The following XXYLT1 variants were observed in gnomAD, a reference collection of about 807,000 sequenced individuals.
XXYLT1 encodes UDP-xylose:alpha-xyloside alpha-1,3-xylosyltransferase.
A neutral mutation model predicts 28.9 loss-of-function variants in XXYLT1; 20 were observed. That is an observed-to-expected ratio of 0.69 (90% CI 0.49 to 1.00). The LOEUF is 1.00. XXYLT1 is among the 50% of genes least tolerant of loss of function. The probability of loss-of-function intolerance (pLI) is 0.00; values close to 1 mark genes in which losing one functional copy is unlikely to be tolerated. For missense variants in XXYLT1, 542 were observed against 560.1 expected (o/e 0.97, Z 0.33); for synonymous variants, 257 against 253.8 (o/e 1.01, Z -0.12).
chr3:195,228,958 G>A (rs562807482), intron 1 of XXYLT1, among the ~76,000 whole-genome samples: 74 of 151,650 alleles, frequency 4.9e-4, no homozygotes, highest in African/African-American at 1.5e-3. Flanking sequence ...GATTACAGGC[G>A]CCCACCACCA....
chr3:195,134,874 TGC>T (rs1553808211), intron 3 of XXYLT1, among the ~76,000 whole-genome samples: 8 of 128,922 alleles, frequency 6.2e-5, no homozygotes, highest in Non-Finnish European at 1.2e-4. Context: ...TGTGTGCGTG[TGC>T]GCGCGTGCGC....
chr3:195,269,043 C>G (rs1725934505), intron 1 of XXYLT1, among the ~76,000 whole-genome samples: 1 of 152,174 alleles, frequency 6.6e-6, no homozygotes, highest in Admixed American at 6.5e-5. Flanking sequence ...AGAAGGAGCA[C>G]CCCAACAGTG....
chr3:195,148,750 T>A (rs1431908468), intron 3 of XXYLT1, among the ~76,000 whole-genome samples: 1 of 152,228 alleles, frequency 6.6e-6, no homozygotes, highest in Non-Finnish European at 1.5e-5. Context: ...TTTCTTCCCT[T>A]GTACCAACTG....
intron 1 of XXYLT1, among the ~76,000 whole-genome samples, chr3:195,228,534 G>A (rs11918561): frequency 0.016 from 2,026 of 130,116 alleles, 21 homozygotes; most frequent in Non-Finnish European, 0.021. Context: ...TCTGTCAACC[G>A]AGGCTGGAGT....
In XXYLT1 at chr3:195,124,907, G is replaced by A. The variant is rs746454982; in HGVS notation, c.785+31542C>T. Among the ~76,000 whole-genome samples the A allele has an allele frequency of 6.6e-5, 10 of 152,290 alleles. No homozygotes were observed. The highest frequency in any genetic ancestry group is 1.4e-4 in the African/African-American group (6 of 41,560). On this transcript the variant is annotated intron_variant, in intron 3 of 3. Coordinates refer to ENST00000310380, the MANE Select transcript of XXYLT1 (RefSeq NM_152531.5). This position sits in a 1 kb window ranked among gnomAD's most constrained non-coding sequence, Gnocchi z 4.1. Reference sequence around the variant, plus strand: ...ACATCTGTATTTTCTATCAGGCTGCGGGTGCACAAGGCTGTCCCGGGTTAT... The same window carrying A: ...ACATCTGTATTTTCTATCAGGCTGCAGGTGCACAAGGCTGTCCCGGGTTAT...
chr3:195,080,230 G>C (rs1041135033), intron 3 of XXYLT1, among the ~76,000 whole-genome samples: 2 of 152,226 alleles, frequency 1.3e-5, no homozygotes, highest in African/African-American at 4.8e-5. Context: ...GTGTGACAAA[G>C]ACTAGGAAGG....
At chr3:195,157,198 G>A (rs764618963) in intron 2 of XXYLT1, among the ~76,000 whole-genome samples, 15 of 137,750 alleles carry the variant, frequency 1.1e-4, no homozygotes, top group Admixed American at 2.4e-4. Flanking sequence ...AGCTGAGATC[G>A]CGCCACTGCA....
intron 2 of XXYLT1, among the ~76,000 whole-genome samples, chr3:195,186,896 GT>G (rs756410119): frequency 1.0e-3 from 139 of 137,112 alleles, no homozygotes; most frequent in Non-Finnish European, 1.0e-3. Context: ...ACTGGCTGAA[GT>G]TTTTTTTTTT....
At chr3:195,080,528 TG>T (rs1715373001) in intron 3 of XXYLT1, among the ~76,000 whole-genome samples, 1 of 129,430 alleles carries the variant, frequency 7.7e-6, no homozygotes, top group Admixed American at 8.3e-5. Context: ...CCTCTTTCCC[TG>T]AATTTAAGGG....
chr3:195,155,161 A>G (rs1720497651), intron 3 of XXYLT1, among the ~76,000 whole-genome samples: 2 of 152,282 alleles, frequency 1.3e-5, no homozygotes, highest in Middle Eastern at 3.4e-3. Flanking sequence ...CCTTGCAGGA[A>G]TTTCCTGTTA....
intron 3 of XXYLT1, among the ~76,000 whole-genome samples, chr3:195,099,527 G>A (rs909612466): frequency 2.0e-5 from 3 of 152,172 alleles, no homozygotes; most frequent in South Asian, 2.1e-4. Context: ...ACCATCTGAC[G>A]AAGAATTAAA....
chr3:195,120,505 C>T (rs903684402), intron 3 of XXYLT1, among the ~76,000 whole-genome samples: 1 of 152,174 alleles, frequency 6.6e-6, no homozygotes, highest in African/African-American at 2.4e-5. Context: ...CCATATAAAG[C>T]AAGCATTGAG....
rs542062590 is a variant in XXYLT1, at chr3:195,236,483, T to C, written c.505-9627A>G. On this transcript the variant is annotated intron_variant, in intron 1 of 3. Coordinates refer to ENST00000310380, the MANE Select transcript of XXYLT1 (RefSeq NM_152531.5). Reference sequence around the variant, plus strand: ...GAATGCTGCCAGTCCTGGGACTCTCTTCAGGGCAGTGAGCTCCCCTCTGGC... The same window carrying C: ...GAATGCTGCCAGTCCTGGGACTCTCCTCAGGGCAGTGAGCTCCCCTCTGGC... 3.3e-5 allele frequency among the ~76,000 whole-genome samples: 5 copies of C among 152,082 alleles called. No individual in the cohort carries two copies. The East Asian group carries it at 9.7e-4, about 30-fold the overall frequency.
At chr3:195,266,387 C>T (rs1173369394) in intron 1 of XXYLT1, among the ~76,000 whole-genome samples, 3 of 151,648 alleles carry the variant, frequency 2.0e-5, no homozygotes, top group Admixed American at 6.6e-5. Flanking sequence ...CCAGCTACTC[C>T]GGAAGCTGAG....
At chr3:195,219,769 CAG>C (rs1474305598) in intron 2 of XXYLT1, among the ~76,000 whole-genome samples, 1 of 152,222 alleles carries the variant, frequency 6.6e-6, no homozygotes, top group Non-Finnish European at 1.5e-5. Context: ...GCCCCCATGA[CAG>C]ACACTGAAAT....
intron 3 of XXYLT1, chr3:195,153,804 A>G (rs1432685673): frequency 1.3e-5 from 2 of 152,224 alleles, no homozygotes; most frequent in Admixed American, 6.5e-5. Context: ...CCTTGAAGGC[A>G]TTGGCGCTGT....
chr3:195,156,063 G>A (rs1455068129), intron 3 of XXYLT1, among the ~76,000 whole-genome samples: 1 of 152,182 alleles, frequency 6.6e-6, no homozygotes, highest in Non-Finnish European at 1.5e-5. Flanking sequence ...CACCCACTCT[G>A]CTAATAGAGA....
Position 195,257,079 on chromosome 3 carries a change from A to AC in XXYLT1, c.504+13475dup, listed in dbSNP as rs1446970792. 6.6e-6 allele frequency among the ~76,000 whole-genome samples: 1 copy of AC among 152,190 alleles called. No individual in the cohort carries two copies. The highest frequency in any genetic ancestry group is 2.4e-5 in the African/African-American group (1 of 41,442). On this transcript the variant is annotated intron_variant, in intron 1 of 3. Transcript: ENST00000310380. The surrounding 1 kb of genome is among the most constrained non-coding windows in gnomAD (Gnocchi z 4.3). Reference sequence around the variant, plus strand: ...TGCAGGAGAACCCGTGACAAGAGGGACCGGGAAGCTTTCTTTACAAGCTTG... The same window carrying AC: ...TGCAGGAGAACCCGTGACAAGAGGGACCCGGGAAGCTTTCTTTACAAGCTTG...
chr3:195,086,569 T>C (rs1336894093), intron 3 of XXYLT1, among the ~76,000 whole-genome samples: 1 of 151,970 alleles, frequency 6.6e-6, no homozygotes, highest in Non-Finnish European at 1.5e-5. Context: ...CAGTTTAGGA[T>C]GGGCCCTGTG....
Sources: allele counts gnomAD v4.1 joint callset (sites outside exome capture counted in the v4.1 genomes callset), GRCh38; gene constraint gnomAD v4.1.1; non-coding constraint Gnocchi (gnomAD v3.1); transcripts MANE v1.5; gene names NCBI Gene and HGNC (gene_info 2026-07-23, HGNC 2026-07-21).